The following DPP10 variants were observed in gnomAD, a reference collection of about 807,000 sequenced individuals.
The protein encoded by DPP10 is dipeptidyl peptidase like 10.
A neutral mutation model predicts 120.9 loss-of-function variants in DPP10; 33 were observed. The ratio of observed to expected loss-of-function variants is 0.27; its 90% CI spans 0.21 to 0.37. The LOEUF (loss-of-function observed/expected upper bound fraction) is 0.37. Among genes scored for constraint, DPP10 ranks in the 10% least tolerant of loss-of-function variants. DPP10 has a pLI of 1.00. For synonymous variants in DPP10, 337 were observed against 326.1 expected (o/e 1.03, Z -0.36); for missense variants, 816 against 942.8 (o/e 0.87, Z 1.76).
At chr2:115,175,367 G>T (rs2053619331) in intron 1 of DPP10, among the ~76,000 whole-genome samples, 1 of 152,056 alleles carries the variant, frequency 6.6e-6, no homozygotes. Flanking sequence ...CCCATATTTG[G>T]GGGCCAGAGA....
At chr2:115,033,425 T>C (rs1703987438) in intron 1 of DPP10, among the ~76,000 whole-genome samples, 1 of 152,122 alleles carries the variant, frequency 6.6e-6, no homozygotes, top group South Asian at 2.1e-4. Flanking sequence ...TGCTCAGCCA[T>C]ATATTAAAGC....
At chr2:115,187,600 G>T (rs778252689) in intron 1 of DPP10, among the ~76,000 whole-genome samples, 2 of 152,142 alleles carry the variant, frequency 1.3e-5, no homozygotes, top group Non-Finnish European at 2.9e-5. Flanking sequence ...AAGTTTGGGA[G>T]TTCAATAACA....
At chr2:115,287,353 G>T (rs77356698) in intron 1 of DPP10, among the ~76,000 whole-genome samples, 2 of 151,952 alleles carry the variant, frequency 1.3e-5, no homozygotes, top group African/African-American at 4.8e-5. Flanking sequence ...GTGGATGATC[G>T]TACAGTGGTC....
At chr2:115,089,456 ATGTT>A (rs1380685859) in intron 1 of DPP10, among the ~76,000 whole-genome samples, 1 of 152,180 alleles carries the variant, frequency 6.6e-6, no homozygotes, top group Admixed American at 6.6e-5. Flanking sequence ...GTTTTCCACA[ATGTT>A]TATTTCGGAT....
intron 1 of DPP10, among the ~76,000 whole-genome samples, chr2:114,609,313 T>C (rs1409756962): frequency 1.3e-5 from 2 of 152,166 alleles, no homozygotes; most frequent in African/African-American, 4.8e-5. Flanking sequence ...AAGAGATAAA[T>C]ATCCTTGACT....
chr2:115,510,927 A>G (rs961049375), intron 4 of DPP10, among the ~76,000 whole-genome samples: 2 of 152,044 alleles, frequency 1.3e-5, no homozygotes, highest in African/African-American at 4.8e-5. Context: ...ACTCCATTTC[A>G]TCTTTAAATT....
intron 3 of DPP10, among the ~76,000 whole-genome samples, chr2:115,409,874 G>T (rs2068810307): frequency 6.6e-6 from 1 of 152,212 alleles, no homozygotes; most frequent in Admixed American, 6.5e-5. Flanking sequence ...AACCTGGATG[G>T]AAATGAAGAC....
chr2:114,633,731 AG>A (rs1327851360), intron 1 of DPP10, among the ~76,000 whole-genome samples: 1 of 151,670 alleles, frequency 6.6e-6, no homozygotes, highest in Non-Finnish European at 1.5e-5. Flanking sequence ...CTCCTGCCTC[AG>A]CCTCCCGATT....
intron 1 of DPP10, among the ~76,000 whole-genome samples, chr2:115,208,604 T>C (rs1422137770): frequency 2.6e-5 from 4 of 152,178 alleles, no homozygotes; most frequent in Non-Finnish European, 5.9e-5. Flanking sequence ...ATCTGCATTA[T>C]TCAGTGTGCA....
chr2:115,194,303 C>G (rs2055096445), intron 1 of DPP10, among the ~76,000 whole-genome samples: 1 of 152,116 alleles, frequency 6.6e-6, no homozygotes. Flanking sequence ...CGGCTCACCG[C>G]AGCCTCCGCC....
chr2:115,524,547 C>G (rs1489893484), intron 4 of DPP10, among the ~76,000 whole-genome samples: 3 of 152,096 alleles, frequency 2.0e-5, no homozygotes, highest in Admixed American at 2.0e-4. Flanking sequence ...AGTTTCTAAG[C>G]AAGGTTTCAT....
At chr2:115,493,845 T>G in intron 3 of DPP10, among the ~76,000 whole-genome samples, 1 of 152,252 alleles carries the variant, frequency 6.6e-6, no homozygotes. Context: ...ATGGCTGTTA[T>G]GGAGAACAAG....
chr2:115,650,028 A>G (rs188299720), intron 5 of DPP10, among the ~76,000 whole-genome samples: 4 of 151,076 alleles, frequency 2.6e-5, no homozygotes, highest in Admixed American at 2.6e-4. Flanking sequence ...AAAAAAAAAG[A>G]GAGAGACTGA....
At chr2:115,530,295 C>G (rs939776033) in intron 5 of DPP10, among the ~76,000 whole-genome samples, 1 of 151,750 alleles carries the variant, frequency 6.6e-6, no homozygotes, top group African/African-American at 2.4e-5. Context: ...AATTTATAAC[C>G]AGGAAGAGGT....
At chr2:115,577,822 G>A (rs1355624974) in intron 5 of DPP10, among the ~76,000 whole-genome samples, 1 of 152,030 alleles carries the variant, frequency 6.6e-6, no homozygotes, top group Non-Finnish European at 1.5e-5. Context: ...AGTCACATTA[G>A]ATTAGGGCTC....
chr2:115,486,681 T>C (rs1038858243), intron 3 of DPP10, among the ~76,000 whole-genome samples: 1 of 152,186 alleles, frequency 6.6e-6, no homozygotes, highest in Non-Finnish European at 1.5e-5. Context: ...AGCTGGTGGT[T>C]ATGCTACTAT....
At chr2:115,282,076 T>G (rs2105879991) in intron 1 of DPP10, among the ~76,000 whole-genome samples, 1 of 152,168 alleles carries the variant, frequency 6.6e-6, no homozygotes, top group East Asian at 1.9e-4. Flanking sequence ...AGTTTTGTAC[T>G]TTTTCTCACG....
At chr2:115,352,180 C>G (rs2064077731) in intron 3 of DPP10, among the ~76,000 whole-genome samples, 1 of 151,944 alleles carries the variant, frequency 6.6e-6, no homozygotes, top group South Asian at 2.1e-4. Context: ...GAAACACAAA[C>G]TAAACTTTAG....
Position 114,587,617 on chromosome 2 carries a change from G to A in DPP10, c.60+144779G>A, listed in dbSNP as rs183051688. On this transcript the variant is annotated intron_variant, in intron 1 of 25. Coordinates refer to ENST00000410059, the MANE Select transcript of DPP10 (RefSeq NM_020868.6). ...CTAGAGATTCTAAAGGGGATCATTC[G>A]CACTCTCACTCCACTTCATTCTCAC... is the stretch of plus-strand genomic sequence containing the variant. 7.9e-5 allele frequency among the ~76,000 whole-genome samples: 12 copies of A among 152,000 alleles called. No individual in the cohort carries two copies. The East Asian group carries it at 1.9e-3, about 25-fold the overall frequency.
Sources: gnomAD v4.1 joint callset for allele counts (sites outside exome capture counted in the v4.1 genomes callset) on GRCh38, gnomAD v4.1.1 for gene constraint, MANE v1.5 for transcripts, NCBI Gene and HGNC (gene_info 2026-07-23, HGNC 2026-07-21) for gene names.